The following ADSS2 variants were observed in gnomAD, a reference collection of about 807,000 sequenced individuals.
ADSS2 encodes adenylosuccinate synthetase isozyme 2.
In ADSS2, 30 loss-of-function variants were observed where a neutral mutation model predicts 60.0. That is an observed-to-expected ratio of 0.50 (90% CI 0.37 to 0.68). The LOEUF (loss-of-function observed/expected upper bound fraction) is 0.68. ADSS2 is among the 30% of genes least tolerant of loss of function. The pLI, the probability that ADSS2 is intolerant of heterozygous loss-of-function variation, is 0.00. For synonymous variants in ADSS2, 187 were observed against 193.1 expected (o/e 0.97, Z 0.26); for missense variants, 373 against 554.8 (o/e 0.67, Z 3.29).
chr1:244,413,144 G>A (rs1664451532), intron 11 of ADSS2, among the ~76,000 whole-genome samples: 2 of 152,324 alleles, frequency 1.3e-5, no homozygotes, highest in South Asian at 2.1e-4. Flanking sequence ...GTCAAGGGGG[G>A]CAGCAGGTGG....
At chr1:244,434,590 C>T (rs3127462) in intron 3 of ADSS2, among the ~76,000 whole-genome samples, 30,844 of 152,042 alleles carry the variant, frequency 0.2, 3,410 homozygotes, top group Middle Eastern at 0.31. Flanking sequence ...TCCCCTTCTA[C>T]GGTTGTTTTG....
chr1:244,434,971 A>G (rs1665047760), intron 3 of ADSS2, among the ~76,000 whole-genome samples: 1 of 151,940 alleles, frequency 6.6e-6, no homozygotes, highest in Non-Finnish European at 1.5e-5. Context: ...GTTTGAGACC[A>G]TCCTGGCTAA....
At chr1:244,417,378 A>G (rs1344965657) in intron 10 of ADSS2, among the ~76,000 whole-genome samples, 3 of 152,014 alleles carry the variant, frequency 2.0e-5, no homozygotes, top group Non-Finnish European at 4.4e-5. Flanking sequence ...TACATACCCT[A>G]TTCTGCCTGC....
At chr1:244,415,423 T>C (rs1296321351) in intron 11 of ADSS2, among the ~76,000 whole-genome samples, 2 of 152,238 alleles carry the variant, frequency 1.3e-5, no homozygotes, top group East Asian at 3.8e-4. Context: ...CTAACCTTAA[T>C]TCCTAAGAAA....
rs1030708204 is a variant in ADSS2, at chr1:244,422,757, T to C, written c.663+78A>G. ...CCTTTGCCAGTTCTTACCCAAAGCC[T>C]GCATGAATGAAAAGATCTAGATGCC... On this transcript the variant is annotated intron_variant, in intron 7 of 12. Transcript: ENST00000366535. The C allele has an allele frequency of 6.5e-6, 7 of 1,082,256 alleles. No homozygotes were observed. The African/African-American group carries it at 1.1e-4, about 17-fold the overall frequency. 67.0% of individuals were successfully genotyped at this position (1,082,256 alleles called of 1,614,324 possible).
intron 12 of ADSS2, among the ~76,000 whole-genome samples, 174 bp downstream of exon 12, chr1:244,411,113 C>G (rs892015035): frequency 3.3e-5 from 5 of 151,490 alleles, no homozygotes; most frequent in African/African-American, 1.2e-4. Context: ...CCCAGCTACT[C>G]GGGAGGCTGA....
chr1:244,420,627 A>G (rs1029308458), intron 7 of ADSS2, among the ~76,000 whole-genome samples: 1 of 152,226 alleles, frequency 6.6e-6, no homozygotes, highest in Admixed American at 6.5e-5. Flanking sequence ...ATAAATGACT[A>G]TATTACAATG....
chr1:244,428,543 G>A (rs1664860439), intron 4 of ADSS2, among the ~76,000 whole-genome samples: 1 of 151,554 alleles, frequency 6.6e-6, no homozygotes, highest in Non-Finnish European at 1.5e-5. Context: ...AGGGAGGGAG[G>A]GAGGTCAGTT....
chr1:244,426,813 T>A (rs937593056), intron 4 of ADSS2, among the ~76,000 whole-genome samples: 2 of 152,152 alleles, frequency 1.3e-5, no homozygotes, highest in Non-Finnish European at 2.9e-5. Flanking sequence ...TGCCATTGCC[T>A]AGCTCCTTTC....
rs1436838952 is a variant in ADSS2 at position 244,420,261 on chromosome 1, A to G, written c.699T>C (p.Asp233=). The G allele has an allele frequency of 6.2e-6, 10 of 1,613,336 alleles. No homozygotes were observed. The highest frequency in any genetic ancestry group is 8.5e-6 in the Non-Finnish European group (10 of 1,179,688). The change falls in exon 8 of 13, where the codon GAT becomes GAC. Residue 233 remains aspartate (D), a synonymous_variant. Transcript: ENST00000366535. The stretch of plus-strand genomic sequence containing the variant: ...GGGCCTCATATAGAAAATAAACTCC[A>G]TCTCTCACCATTGGTTTAATCTTTT... ...YMEKIKPMVR[D]GVYFLYEALH...
chr1:244,428,923 T>C (rs1374256711), intron 4 of ADSS2, among the ~76,000 whole-genome samples: 3 of 152,104 alleles, frequency 2.0e-5, no homozygotes, highest in Non-Finnish European at 4.4e-5. Flanking sequence ...TCACAAAGAT[T>C]TTCTATAAAA....
intron 1 of ADSS2, among the ~76,000 whole-genome samples, chr1:244,439,676 C>T (rs1665189831): frequency 6.6e-6 from 1 of 152,140 alleles, no homozygotes; most frequent in Non-Finnish European, 1.5e-5. Context: ...AGGTCACATG[C>T]CCCCCAAGTC....
intron 3 of ADSS2, among the ~76,000 whole-genome samples, chr1:244,435,168 CAAAAAAAAAAAAAAAAAA>C (rs60576167): frequency 7.7e-5 from 4 of 51,730 alleles, no homozygotes; most frequent in South Asian, 1.1e-3. Context: ...ACTCCGTCTC[CAAAAAAAAAAAAAAAAAA>C]AAAAAAAAAA....
chr1:244,437,551 G>A, intron 2 of ADSS2, 115 bp downstream of exon 2: 1 of 747,502 alleles, frequency 1.3e-6, no homozygotes, highest in East Asian at 2.5e-5. Flanking sequence ...AAATTAATAA[G>A]AGATCAATGA....
At position 244,435,836 on chromosome 1, in the gene ADSS2, A is replaced by G. The variant is rs915927921; in HGVS notation, c.355+989T>C. ...AAAAATGTGTTCAGGGTAAGTAAGC[A>G]GTACAGCAGCAGCACCAGAGTATCT... is the stretch of plus-strand genomic sequence containing the variant. On this transcript the variant is annotated intron_variant, in intron 3 of 12. Transcript: ENST00000366535. Among the ~76,000 whole-genome samples the G allele has an allele frequency of 3.9e-5, 6 of 152,256 alleles. No homozygotes were observed. In the South Asian group the frequency reaches 8.3e-4, roughly 21 times the overall value.
chr1:244,451,652 T>C lies in ADSS2; in HGVS notation c.166A>G (p.Ile56Val). Residue 56 changes from isoleucine (I) to valine (V), a missense_variant, in exon 1 of 13, where the codon ATC (isoleucine) becomes GTC (valine). Physicochemically the swap from Ile to Val is conservative, Grantham distance 29. Around this residue, in one of 5 missense-constraint regions of ADSS2, gnomAD observed 29 missense variants for 73.3 expected, o/e 0.40. Coordinates refer to ENST00000366535, the MANE Select transcript of ADSS2 (RefSeq NM_001126.5). This position sits in a 1 kb window ranked among gnomAD's most constrained non-coding sequence, Gnocchi z 6.6. The part of the protein sequence containing the change: ...VVDLLAQDAD[I>V]VCRCQGGNNA... Reference sequence around the variant, plus strand: ...CGCCTCACCTGGCAGCGGCACACGATGTCGGCGTCCTGCGCCAGCAGGTCC... The same window carrying C: ...CGCCTCACCTGGCAGCGGCACACGACGTCGGCGTCCTGCGCCAGCAGGTCC... 6.2e-7 allele frequency: 1 copy of C among 1,610,590 alleles called. No individual in the cohort carries two copies. Among genetic ancestry groups the C allele is most frequent in the Non-Finnish European group, 8.5e-7 (1 of 1,178,312 alleles).
At chr1:244,425,293 TG>T (rs938527065) in intron 4 of ADSS2, among the ~76,000 whole-genome samples, 2 of 152,222 alleles carry the variant, frequency 1.3e-5, no homozygotes, top group African/African-American at 4.8e-5. Flanking sequence ...AACAGCTTTA[TG>T]GGAATATAAT....
intron 1 of ADSS2, among the ~76,000 whole-genome samples, chr1:244,445,406 T>G (rs147173394): frequency 5.3e-5 from 8 of 152,238 alleles, no homozygotes; most frequent in African/African-American, 1.9e-4. Context: ...TACTGCAGGA[T>G]AGAGGAATGA....
chr1:244,432,235 C>A (rs1030586546), intron 4 of ADSS2, among the ~76,000 whole-genome samples: 1 of 152,148 alleles, frequency 6.6e-6, no homozygotes, highest in Admixed American at 6.5e-5. Context: ...AAGAATATTA[C>A]GTATACAAAT....
Sources: gnomAD v4.1 joint callset for allele counts (sites outside exome capture counted in the v4.1 genomes callset) on GRCh38, gnomAD v4.1.1 for gene constraint, gnomAD v4.1.1 regional missense constraint, Gnocchi (gnomAD v3.1) non-coding constraint, MANE v1.5 for transcripts, NCBI Gene and HGNC (gene_info 2026-07-23, HGNC 2026-07-21) for gene names.